The following NOS1 variants were observed in gnomAD, a reference collection of about 807,000 sequenced individuals.
NOS1 encodes the protein NOS type I.
NOS1 carries 51 observed loss-of-function variants against 164.5 expected under a neutral mutation model. The ratio of observed to expected loss-of-function variants is 0.31; its 90% CI spans 0.25 to 0.39. The LOEUF is 0.39. Ranked by LOEUF, NOS1 falls within the 10% of genes least tolerant of loss-of-function variation. NOS1 has a pLI of 1.00. For synonymous variants in NOS1, 719 were observed against 745.8 expected (o/e 0.96, Z 0.59); for missense variants, 1,362 against 1,885.6 (o/e 0.72, Z 5.14).
In NOS1 at chr12:117,232,009, G is replaced by A. The variant is rs200364359; in HGVS notation, c.3358C>T (p.Leu1120=). The A allele has an allele frequency of 2.5e-6, 4 of 1,612,914 alleles. No individual in the cohort carries two copies. In the African/African-American group the frequency reaches 5.3e-5, roughly 21 times the overall value. ...TPLQLQQFAS[L]ATSEKEKQRL... ...TGCTTCTCCTTCTCGCTGGTAGCTA[G>A]GGAGGCAAACTGCTGCAGCTGCAGA... The change falls in exon 22 of 29, where the codon CTA becomes TTA. Residue 1120 remains leucine, a synonymous_variant. Coordinates refer to ENST00000317775, the MANE Select transcript of NOS1 (RefSeq NM_000620.5).
intron 1 of NOS1, among the ~76,000 whole-genome samples, chr12:117,340,556 G>A (rs183975949): frequency 6.6e-6 from 1 of 152,240 alleles, no homozygotes; most frequent in Admixed American, 6.5e-5. Context: ...TTGAGACGGA[G>A]TCTCACTCTG....
In NOS1 at chr12:117,210,086, C is replaced by A; in HGVS notation, c.*5223G>T. On this transcript the variant is annotated 3_prime_UTR_variant, in exon 29 of 29. Transcript: ENST00000317775. ...CTCCTGGGACCAAGTGATCCTCCTG[C>A]CTCAGCCTCCCAAGTAGCTGGGACC... 1 of 690,990 alleles carries A rather than the reference C, an allele frequency of 1.4e-6. No homozygotes were observed. The highest frequency in any genetic ancestry group is 1.8e-6 in the Non-Finnish European group (1 of 561,090). 42.8% of individuals were successfully genotyped at this position (690,990 alleles called of 1,614,324 possible).
At chr12:117,235,770 C>T (rs182122717) in intron 20 of NOS1, among the ~76,000 whole-genome samples, 83 of 152,226 alleles carry the variant, frequency 5.5e-4, no homozygotes, top group East Asian at 2.3e-3. Context: ...AGGCTGGGCA[C>T]GGTGGCTCAC....
At position 117,226,788 on chromosome 12, in the gene NOS1, G is replaced by A. The variant is rs1336884583; in HGVS notation, c.3617-18C>T. The stretch of plus-strand genomic sequence containing the variant: ...TTCTCCATCTAGTAGAATAACCAAG[G>A]CAGTCAGGGCCACCCACTGCTCCCG... On this transcript the variant is annotated intron_variant, in intron 23 of 28. Transcript: ENST00000317775. 1 of 1,605,184 alleles carries A rather than the reference G, an allele frequency of 6.2e-7. No homozygotes were observed. The highest frequency in any genetic ancestry group is 8.5e-7 in the Non-Finnish European group (1 of 1,172,588).
chr12:117,293,985 T>A (rs1400144134), intron 3 of NOS1, among the ~76,000 whole-genome samples: 1 of 152,160 alleles, frequency 6.6e-6, no homozygotes, highest in African/African-American at 2.4e-5. Context: ...GGAGGAGTCT[T>A]GGAGGTGATG....
Position 117,211,155 on chromosome 12 carries a change from C to T in NOS1, c.*4154G>A, listed in dbSNP as rs920877789. Reference sequence around the variant, plus strand: ...TATTTTCTTAGTAGAGTCAGGGTTTCTACTAACTGGCTGACTGGTCTCCAA... The same window carrying T: ...TATTTTCTTAGTAGAGTCAGGGTTTTTACTAACTGGCTGACTGGTCTCCAA... On this transcript the variant is annotated 3_prime_UTR_variant, in exon 29 of 29. Transcript: ENST00000317775. The T allele has an allele frequency of 1.4e-6, 1 of 732,530 alleles. No individual in the cohort carries two copies. Among genetic ancestry groups the T allele is most frequent in the African/African-American group, 1.9e-5 (1 of 52,248 alleles). The allele number at this position is 732,530 out of a possible 1,614,324, so 45.4% of individuals were successfully genotyped here.
At chr12:117,313,928 C>G (rs1874553041) in intron 2 of NOS1, among the ~76,000 whole-genome samples, 1 of 152,218 alleles carries the variant, frequency 6.6e-6, no homozygotes, top group Non-Finnish European at 1.5e-5. Flanking sequence ...GGCATTAAGA[C>G]TGGCCCTTGT....
chr12:117,351,890 T>C (rs1876635250), intron 1 of NOS1, among the ~76,000 whole-genome samples: 1 of 152,142 alleles, frequency 6.6e-6, no homozygotes, highest in African/African-American at 2.4e-5. Flanking sequence ...TCTAAAGTGT[T>C]CAAGAACCTG....
rs1178538913 is a variant in NOS1 at position 117,260,089 on chromosome 12, A to G, written c.2367+376T>C. On this transcript the variant is annotated intron_variant, in intron 14 of 28. Coordinates refer to ENST00000317775, the MANE Select transcript of NOS1 (RefSeq NM_000620.5). ...AGCCGAGATCGCGCCACTGCACTCC[A>G]GCCTGGGTGACAGAGTGAAACTCCT... Among the ~76,000 whole-genome samples the G allele has an allele frequency of 2.0e-5, 3 of 149,678 alleles. No individual in the cohort carries two copies. The East Asian group carries it at 6.0e-4, about 30-fold the overall frequency.
At chr12:117,264,547 C>T (rs1872219764) in intron 12 of NOS1, among the ~76,000 whole-genome samples, 1 of 137,640 alleles carries the variant, frequency 7.3e-6, no homozygotes, top group Non-Finnish European at 1.6e-5. Context: ...TCCTCCCTCC[C>T]TTCCCTTCTT....
chr12:117,277,846 C>T (rs1873311174), intron 9 of NOS1, 113 bp downstream of exon 9: 1 of 1,273,214 alleles, frequency 7.9e-7, no homozygotes, highest in Non-Finnish European at 1.1e-6. Context: ...CCCCCCTTTC[C>T]CCTTTCAGCT....
At position 117,247,561 on chromosome 12, in the gene NOS1, G is replaced by A. The variant is rs747186681; in HGVS notation, c.2649-39C>T. 2.6e-6 allele frequency: 4 copies of A among 1,550,834 alleles called. No individual in the cohort carries two copies. In the Admixed American group the frequency reaches 5.8e-5, roughly 22 times the overall value. The stretch of plus-strand genomic sequence containing the variant: ...GACAGAATGTTCATGCTAAGGGACT[G>A]TGGGGAATGTGGGGAGTGTCTGGTG... On this transcript the variant is annotated intron_variant, in intron 17 of 28. Coordinates refer to ENST00000317775, the MANE Select transcript of NOS1 (RefSeq NM_000620.5).
At position 117,258,377 on chromosome 12, in the gene NOS1, C is replaced by T. The variant is rs369890445; in HGVS notation, c.2531+20G>A. ...TACCCTCGGGGGTGGCGGGTGACGT[C>T]GGAGGGGTCATTCACTTACTTCCTT... On this transcript the variant is annotated intron_variant, in intron 16 of 28. Coordinates refer to ENST00000317775, the MANE Select transcript of NOS1 (RefSeq NM_000620.5). 1.1e-4 allele frequency: 177 copies of T among 1,613,690 alleles called. No homozygotes were observed. Among genetic ancestry groups the T allele is most frequent in the African/African-American group, 6.4e-4 (48 of 75,020 alleles).
At chr12:117,253,310 G>A (rs559057980) in intron 17 of NOS1, among the ~76,000 whole-genome samples, 35 of 152,190 alleles carry the variant, frequency 2.3e-4, no homozygotes, top group South Asian at 8.3e-4. Flanking sequence ...AGTATACACC[G>A]TAGCTATTGG....
chr12:117,213,531 C>A lies in NOS1; in HGVS notation c.*1778G>T. ...CCAGGGATGGCAGAGCAAGGTGAGT[C>A]ATAGATTGCCTTTTCACTTTAACAG... On this transcript the variant is annotated 3_prime_UTR_variant, in exon 29 of 29. Coordinates refer to ENST00000317775, the MANE Select transcript of NOS1 (RefSeq NM_000620.5). 1.0e-6 allele frequency: 1 copy of A among 985,422 alleles called. No individual in the cohort carries two copies. Among genetic ancestry groups the A allele is most frequent in the Non-Finnish European group, 1.2e-6 (1 of 829,942 alleles). The allele number at this position is 985,422 out of a possible 1,614,324, so 61.0% of individuals were successfully genotyped here.
At chr12:117,361,297 C>T (rs1877137895) in intron 1 of NOS1, among the ~76,000 whole-genome samples, 1 of 152,006 alleles carries the variant, frequency 6.6e-6, no homozygotes, top group Non-Finnish European at 1.5e-5. Flanking sequence ...CACCCACTCG[C>T]CTCCTGGTAG....
At chr12:117,283,269 C>T (rs376639727) in intron 7 of NOS1, among the ~76,000 whole-genome samples, 1 of 151,980 alleles carries the variant, frequency 6.6e-6, no homozygotes, top group South Asian at 2.1e-4. Flanking sequence ...ACCATATTGC[C>T]CAGGCTGGTC....
intron 1 of NOS1, among the ~76,000 whole-genome samples, chr12:117,346,316 C>T (rs1012354031): frequency 6.6e-6 from 1 of 152,048 alleles, no homozygotes; most frequent in Non-Finnish European, 1.5e-5. Context: ...ACTAAAAATA[C>T]AAAAATTAGC....
chr12:117,313,820 T>G (rs1874549083), intron 2 of NOS1, among the ~76,000 whole-genome samples: 1 of 152,226 alleles, frequency 6.6e-6, no homozygotes, highest in African/African-American at 2.4e-5. Context: ...CTTTCTCCTT[T>G]TGGCTCCCCT....
Sources: gnomAD v4.1 joint callset for allele counts (sites outside exome capture counted in the v4.1 genomes callset) on GRCh38, gnomAD v4.1.1 for gene constraint, MANE v1.5 for transcripts, NCBI Gene and HGNC (gene_info 2026-07-23, HGNC 2026-07-21) for gene names.